The following RIMKLB variants were observed in gnomAD, a reference collection of about 807,000 sequenced individuals.
RIMKLB encodes ribosomal modification protein rimK like family member B.
Under a neutral mutation model 32.0 loss-of-function variants are expected in RIMKLB, and 7 were observed. That is an observed-to-expected ratio of 0.22 (90% CI 0.12 to 0.41). The LOEUF is 0.41. Ranked by LOEUF, RIMKLB falls within the 10% of genes least tolerant of loss-of-function variation. RIMKLB has a pLI of 1.00. For synonymous variants in RIMKLB, 172 were observed against 185.1 expected (o/e 0.93, Z 0.57); for missense variants, 289 against 498.7 (o/e 0.58, Z 4.00).
intron 2 of RIMKLB, among the ~76,000 whole-genome samples, chr12:8,720,295 G>A (rs1945306726): frequency 6.6e-6 from 1 of 152,124 alleles, no homozygotes; most frequent in Admixed American, 6.5e-5. Context: ...AGTTTCTTTT[G>A]ATGGGTAAAA....
At chr12:8,725,854 C>T (rs931767393) in intron 2 of RIMKLB, among the ~76,000 whole-genome samples, 1 of 151,936 alleles carries the variant, frequency 6.6e-6, no homozygotes, top group Non-Finnish European at 1.5e-5. Context: ...GTTTTTGGTT[C>T]GTTTGTTTTT....
intron 1 of RIMKLB, among the ~76,000 whole-genome samples, chr12:8,708,988 A>G (rs1343423730): frequency 6.6e-6 from 1 of 152,228 alleles, no homozygotes; most frequent in African/African-American, 2.4e-5. Flanking sequence ...GAGGAAATAA[A>G]GAGAGGATGG....
chr12:8,773,711 T>C lies in RIMKLB; in HGVS notation c.1088T>C (p.Leu363Pro). The change falls in exon 6 of 6, where the codon CTC (leucine) becomes CCC (proline). Residue 363 changes from leucine (L) to proline (P), a missense_variant. Physicochemically the swap from Leu to Pro is moderately conservative, Grantham distance 98. Transcript: ENST00000535829. ...CCTGAAAGCACGGAGCGAGAGCTGC[T>C]CACCAAGCTCCCAGGGGGCCTGTTC... ...SDPESTEREL[L>P]TKLPGGLFNM... 6.2e-7 allele frequency: 1 copy of C among 1,614,230 alleles called. No homozygotes were observed. Among genetic ancestry groups the C allele is most frequent in the South Asian group, 1.1e-5 (1 of 91,088 alleles).
intron 2 of RIMKLB, among the ~76,000 whole-genome samples, chr12:8,721,837 G>A (rs1472812689): frequency 6.6e-6 from 1 of 152,038 alleles, no homozygotes; most frequent in Non-Finnish European, 1.5e-5. Flanking sequence ...TCAGCCTCCT[G>A]GGTTCAAGCG....
At chr12:8,781,188 A>T (rs1951011521), downstream of RIMKLB, among the ~76,000 whole-genome samples, 2 of 152,170 alleles carry the variant, frequency 1.3e-5, no homozygotes, top group Non-Finnish European at 2.9e-5. Flanking sequence ...TAAAAATACA[A>T]AAATAAGCTG....
At chr12:8,684,417 C>A (rs1178469502) in intron 1 of RIMKLB, among the ~76,000 whole-genome samples, 2 of 152,136 alleles carry the variant, frequency 1.3e-5, no homozygotes, top group Non-Finnish European at 2.9e-5. Context: ...CAGTGATCCA[C>A]CCGCCCCCGC....
intron 3 of RIMKLB, among the ~76,000 whole-genome samples, chr12:8,750,577 G>C (rs1449778058): frequency 6.6e-6 from 1 of 151,266 alleles, no homozygotes; most frequent in Non-Finnish European, 1.5e-5. Flanking sequence ...TTTAAAGAAA[G>C]TAACACTTTA....
Position 8,775,421 on chromosome 12 carries a change from G to C in RIMKLB, c.*1637G>C. 4.1e-6 allele frequency: 4 copies of C among 985,540 alleles called. No individual in the cohort carries two copies. Among genetic ancestry groups the C allele is most frequent in the Non-Finnish European group, 4.8e-6 (4 of 829,904 alleles). The allele number at this position is 985,540 out of a possible 1,614,324, so 61.0% of individuals were successfully genotyped here. ...TTGATGGGTTTGGATGGTATGTTAA[G>C]AAATGGAGATGCTGCAGAGCCCAAC... On this transcript the variant is annotated 3_prime_UTR_variant, in exon 6 of 6. Transcript: ENST00000535829.
chr12:8,720,611 C>A (rs1231704362), intron 2 of RIMKLB, among the ~76,000 whole-genome samples: 1 of 152,146 alleles, frequency 6.6e-6, no homozygotes, highest in South Asian at 2.1e-4. Flanking sequence ...GGCGCGATCT[C>A]GCTCACTGCA....
upstream of RIMKLB, among the ~76,000 whole-genome samples, chr12:8,694,501 C>A (rs1380093693): frequency 6.9e-6 from 1 of 145,004 alleles, no homozygotes; most frequent in African/African-American, 2.5e-5. Context: ...TTCAAAAATT[C>A]TCCTGCTTCA....
At chr12:8,745,749 C>T (rs1471172789) in intron 2 of RIMKLB, among the ~76,000 whole-genome samples, 2 of 145,394 alleles carry the variant, frequency 1.4e-5, no homozygotes, top group East Asian at 2.0e-4. Flanking sequence ...GGCTGGAGTG[C>T]AGTGGCTGGA....
At chr12:8,748,915 G>A (rs895843491) in intron 2 of RIMKLB, among the ~76,000 whole-genome samples, 2 of 151,794 alleles carry the variant, frequency 1.3e-5, no homozygotes, top group African/African-American at 4.8e-5. Flanking sequence ...CTCCAGCCTG[G>A]GTGACAGTGA....
rs145319364 is a variant in RIMKLB, at chr12:8,705,186, A to G, written c.-57+6889A>G. Among the ~76,000 whole-genome samples, 355 of 152,260 alleles carry G rather than the reference A, an allele frequency of 2.3e-3. 4 individuals are homozygous for G. Among genetic ancestry groups the G allele is most frequent in the African/African-American group, 8.3e-3 (343 of 41,554 alleles). ...AAGTGTTGAATATACTGGAGATAAG[A>G]GTAAAGTGGGCCAGGCATGGTGGCT... is the stretch of plus-strand genomic sequence containing the variant. On this transcript the variant is annotated intron_variant, in intron 1 of 5. Coordinates refer to ENST00000535829, the MANE Select transcript of RIMKLB (RefSeq NM_001297776.2).
upstream of RIMKLB, among the ~76,000 whole-genome samples, chr12:8,676,650 C>T (rs980780924): frequency 5.9e-5 from 9 of 151,870 alleles, no homozygotes; most frequent in Non-Finnish European, 1.3e-4. Context: ...CCACCCGCCT[C>T]GGCTTCCCAA....
chr12:8,668,835 C>G, the RIMKLB span: 3 of 152,124 alleles, frequency 2.0e-5, no homozygotes, highest in Non-Finnish European at 4.4e-5. Flanking sequence ...GCCAAAGGTA[C>G]CCAGCTAAGT....
upstream of RIMKLB, among the ~76,000 whole-genome samples, chr12:8,681,106 C>T (rs1172463362): frequency 6.6e-6 from 1 of 151,736 alleles, no homozygotes; most frequent in East Asian, 1.9e-4. Context: ...GACTATAGGT[C>T]CATACCACCA....
chr12:8,696,754 T>A (rs1359365893), upstream of RIMKLB, among the ~76,000 whole-genome samples: 6 of 152,176 alleles, frequency 3.9e-5, no homozygotes, highest in South Asian at 8.3e-4. Flanking sequence ...AGTCAAAAAA[T>A]TTTTTAAAAG....
At chr12:8,751,767 CTAT>C (rs1287126826) in intron 3 of RIMKLB, among the ~76,000 whole-genome samples, 187 bp from the exon 4 acceptor site, 2 of 152,054 alleles carry the variant, frequency 1.3e-5, no homozygotes, top group African/African-American at 4.8e-5. Flanking sequence ...ATTAAGGGAG[CTAT>C]TATTTGTTTT....
rs750320691 is a variant in RIMKLB at position 8,773,601 on chromosome 12, T to C, written c.978T>C (p.Ser326=). ...MSLLSVVSTA[S]ETSEPELGPP... ...TGCTCTCCGTGGTGTCCACTGCCAGTGAGACTAGTGAGCCGGAGCTGGGTC... is the reference window on the plus strand; with the variant it reads ...TGCTCTCCGTGGTGTCCACTGCCAGCGAGACTAGTGAGCCGGAGCTGGGTC... The change falls in exon 6 of 6, where the codon AGT becomes AGC. Residue 326 remains serine, a synonymous_variant. Coordinates refer to ENST00000535829, the MANE Select transcript of RIMKLB (RefSeq NM_001297776.2). The C allele has an allele frequency of 1.2e-6, 2 of 1,614,106 alleles. No homozygotes were observed. Among genetic ancestry groups the C allele is most frequent in the Admixed American group, 3.3e-5 (2 of 60,014 alleles).
Sources: allele counts gnomAD v4.1 joint callset (sites outside exome capture counted in the v4.1 genomes callset), GRCh38; gene constraint gnomAD v4.1.1; transcripts MANE v1.5; gene names NCBI Gene and HGNC (gene_info 2026-07-23, HGNC 2026-07-21).